WDR59: variants seen among roughly 807,000 people sequenced by gnomAD.
WDR59 encodes GATOR2 complex protein WDR59.
WDR59 carries 100 observed loss-of-function variants against 131.2 expected under a neutral mutation model. That is an observed-to-expected ratio of 0.76 (90% CI 0.65 to 0.90). The LOEUF (loss-of-function observed/expected upper bound fraction) is 0.90, where lower values mean the gene tolerates loss of function less well. WDR59 is among the 40% of genes least tolerant of loss of function. The pLI, the probability that WDR59 is intolerant of heterozygous loss-of-function variation, is 0.00. For missense variants in WDR59, 1,203 were observed against 1,262.2 expected, an observed-to-expected ratio of 0.95 and a Z score of 0.71; for synonymous variants, 601 against 466.2, an observed-to-expected ratio of 1.29 and a Z score of -3.72.
chr16:74,968,332 G>C (rs1332102988), intron 1 of WDR59, among the ~76,000 whole-genome samples: 2 of 152,186 alleles, frequency 1.3e-5, no homozygotes, highest in African/African-American at 4.8e-5. Context: ...AAGACAGAAG[G>C]ACATGGCAAG....
intron 18 of WDR59, among the ~76,000 whole-genome samples, chr16:74,896,010 ACTTT>A (rs1965280424): frequency 6.6e-6 from 1 of 152,078 alleles, no homozygotes; most frequent in African/African-American, 2.4e-5. Context: ...GGTTTCCAGG[ACTTT>A]AAAAAGCCCA....
chr16:74,958,918 G>A (rs980131444), intron 2 of WDR59, among the ~76,000 whole-genome samples: 1 of 151,964 alleles, frequency 6.6e-6, no homozygotes, highest in African/African-American at 2.4e-5. Context: ...AATTAGCCAG[G>A]CATGGTGGTG....
At chr16:74,946,153 G>A (rs1311161951) in intron 6 of WDR59, among the ~76,000 whole-genome samples, 1 of 152,098 alleles carries the variant, frequency 6.6e-6, no homozygotes, top group Admixed American at 6.5e-5. Context: ...TGTTACAACT[G>A]TTCTATTTTA....
chr16:74,935,880 C>T (rs952428048), intron 8 of WDR59, among the ~76,000 whole-genome samples: 1 of 151,876 alleles, frequency 6.6e-6, no homozygotes, highest in African/African-American at 2.4e-5. Flanking sequence ...ACCTATAATC[C>T]CAGCTGCTCA....
chr16:74,876,654 T>C (rs972434668), intron 25 of WDR59, among the ~76,000 whole-genome samples: 3 of 152,130 alleles, frequency 2.0e-5, no homozygotes, highest in African/African-American at 7.2e-5. Flanking sequence ...CGAATGATCT[T>C]TGGGGGGATC....
Position 74,915,484 on chromosome 16 carries a change from C to G in WDR59, c.1224+386G>C, listed in dbSNP as rs148406443. On this transcript the variant is annotated intron_variant, in intron 13 of 25. Transcript: ENST00000262144. ...TTGCTCTGTCACCCAGGCTGGAGGA[C>G]AGTGGTGCGATCTTGGCTCACTGCA... is the stretch of plus-strand genomic sequence containing the variant. 148 of 159,464 alleles carry G rather than the reference C, an allele frequency of 9.3e-4. 2 individuals are homozygous for G. Among genetic ancestry groups the G allele is most frequent in the African/African-American group, 3.3e-3 (138 of 41,572 alleles). 9.9% of individuals were successfully genotyped at this position (159,464 alleles called of 1,614,324 possible). A position where few individuals can be genotyped will look rare whatever the true frequency, so the allele number is the denominator to read the frequency against.
rs373301382 is a variant in WDR59 at position 74,933,013 on chromosome 16, G to A, written c.651+5137C>T. ...TACATGTTGACAAAGCTGGCCAAAT[G>A]TTATGGATTTTCTTGTAAAAAATGC... On this transcript the variant is annotated intron_variant, in intron 8 of 25. Transcript: ENST00000262144. Among the ~76,000 whole-genome samples, 15 of 152,262 alleles carry A rather than the reference G, an allele frequency of 9.9e-5. No individual in the cohort carries two copies. In the East Asian group the frequency reaches 2.9e-3, roughly 29 times the overall value.
chr16:74,897,487 C>CA (rs1285157253), intron 18 of WDR59, among the ~76,000 whole-genome samples: 2 of 152,198 alleles, frequency 1.3e-5, no homozygotes, highest in African/African-American at 2.4e-5. Context: ...GTGGTCTTTG[C>CA]AACTTTTTGC....
intron 1 of WDR59, among the ~76,000 whole-genome samples, chr16:74,975,271 G>C (rs1356500239): frequency 6.6e-6 from 1 of 152,132 alleles, no homozygotes; most frequent in Non-Finnish European, 1.5e-5. Context: ...TGAGACAGGA[G>C]AATCGCTTGA....
chr16:74,879,363 C>A (rs1964374119), intron 25 of WDR59, among the ~76,000 whole-genome samples: 1 of 152,090 alleles, frequency 6.6e-6, no homozygotes, highest in Admixed American at 6.5e-5. Context: ...TCTCAAAAAA[C>A]AAACAAACAA....
At chr16:74,947,190 T>G (rs953587870) in intron 6 of WDR59, among the ~76,000 whole-genome samples, 4 of 152,222 alleles carry the variant, frequency 2.6e-5, no homozygotes, top group Admixed American at 6.5e-5. Flanking sequence ...GGCTCAAGCC[T>G]ATAATCCCAG....
intron 17 of WDR59, among the ~76,000 whole-genome samples, chr16:74,907,253 A>G (rs1401765480): frequency 6.6e-6 from 1 of 152,062 alleles, no homozygotes; most frequent in Non-Finnish European, 1.5e-5. Context: ...TTCATTCATA[A>G]CTGATATGGT....
intron 18 of WDR59, among the ~76,000 whole-genome samples, chr16:74,895,946 C>T (rs921702486): frequency 1.3e-5 from 2 of 152,094 alleles, no homozygotes; most frequent in Non-Finnish European, 2.9e-5. Flanking sequence ...AGGGGCTTAA[C>T]GAGAACAGGG....
At chr16:74,881,851 T>C (rs748713000) in intron 25 of WDR59, among the ~76,000 whole-genome samples, 109 of 131,594 alleles carry the variant, frequency 8.3e-4, no homozygotes, top group Non-Finnish European at 9.7e-4. Context: ...CCAGCCTGGG[T>C]GACAGAGCAA....
chr16:74,936,623 C>T (rs1356354214), intron 8 of WDR59, among the ~76,000 whole-genome samples: 1 of 152,056 alleles, frequency 6.6e-6, no homozygotes, highest in East Asian at 1.9e-4. Context: ...GTTAGGAGTT[C>T]GAGACCATCC....
intron 1 of WDR59, among the ~76,000 whole-genome samples, chr16:74,980,918 T>C (rs1474434324): frequency 1.3e-5 from 2 of 150,792 alleles, no homozygotes; most frequent in African/African-American, 2.4e-5. Context: ...CGAGCTGAGA[T>C]TGCGCCACTG....
intron 7 of WDR59, among the ~76,000 whole-genome samples, chr16:74,939,381 T>A (rs953211177): frequency 6.6e-6 from 1 of 152,074 alleles, no homozygotes; most frequent in Non-Finnish European, 1.5e-5. Flanking sequence ...ATAATGAAGC[T>A]GAATCAATAT....
In WDR59 at chr16:74,886,414, G is replaced by C; in HGVS notation, c.2420-18C>G. On this transcript the variant is annotated intron_variant, in intron 23 of 25. Transcript: ENST00000262144. ...TCTTCCCGCTGAAGAAAATCAAATGGGAAGGGAAGATGGCAATCAGAGAAG... is the reference window on the plus strand; with the variant it reads ...TCTTCCCGCTGAAGAAAATCAAATGCGAAGGGAAGATGGCAATCAGAGAAG... 4 of 1,610,226 alleles carry C rather than the reference G, an allele frequency of 2.5e-6. No individual in the cohort carries two copies. Among genetic ancestry groups the C allele is most frequent in the South Asian group, 1.1e-5 (1 of 90,648 alleles).
chr16:74,885,380 C>T (rs1964701530), intron 25 of WDR59, among the ~76,000 whole-genome samples: 1 of 125,598 alleles, frequency 8.0e-6, no homozygotes, highest in Non-Finnish European at 1.6e-5. Context: ...ACCCAGAAGG[C>T]AGAGGTTCAG....
Sources: allele counts gnomAD v4.1 joint callset (sites outside exome capture counted in the v4.1 genomes callset), GRCh38; gene constraint gnomAD v4.1.1; transcripts MANE v1.5; gene names NCBI Gene and HGNC (gene_info 2026-07-23, HGNC 2026-07-21).